Variants in PLXNA1 observed in about 807,000 individuals in gnomAD.
PLXNA1 encodes plexin A1.
PLXNA1 carries 77 observed loss-of-function variants against 191.7 expected under a neutral mutation model. The ratio of observed to expected loss-of-function variants is 0.40; its 90% CI spans 0.33 to 0.49. PLXNA1 has a LOEUF of 0.49. Among genes scored for constraint, PLXNA1 ranks in the 20% least tolerant of loss-of-function variants. The pLI is 0.63. For synonymous variants in PLXNA1, 1,137 were observed against 1,156.4 expected (o/e 0.98, Z 0.34); for missense variants, 2,110 against 2,660.2 (o/e 0.79, Z 4.55).
At chr3:126,991,311 C>G in intron 2 of PLXNA1, 73 bp from the exon 3 acceptor site, 1 of 1,549,668 alleles carries the variant, frequency 6.5e-7, no homozygotes. Context: ...GCACTCCCAG[C>G]CCTGCCCAGG....
Position 127,015,207 on chromosome 3 carries a change from C to T in PLXNA1, c.2901C>T (p.Ser967=), listed in dbSNP as rs369909439. 1.2e-6 allele frequency: 2 copies of T among 1,612,938 alleles called. No homozygotes were observed. Among genetic ancestry groups the T allele is most frequent in the Non-Finnish European group, 1.7e-6 (2 of 1,179,670 alleles). Residue 967 remains serine, a synonymous_variant, in exon 15 of 32, where the codon AGC becomes AGT. Transcript: ENST00000393409. ...TFVTPTFYRV[S]PSRGPLSGGT... ...AGACACCAACCTTCTACCGTGTGAG[C>T]CCCTCCCGTGGGCCTCTGTCAGGGG...
intron 3 of PLXNA1, among the ~76,000 whole-genome samples, chr3:127,000,849 A>G (rs2079036765): frequency 6.6e-6 from 1 of 152,154 alleles, no homozygotes; most frequent in South Asian, 2.1e-4. Context: ...CCTGCGTCAC[A>G]TCCATCCTCT....
At chr3:127,000,891 C>T (rs1429406957) in intron 3 of PLXNA1, among the ~76,000 whole-genome samples, 1 of 152,222 alleles carries the variant, frequency 6.6e-6, no homozygotes, top group Admixed American at 6.5e-5. Context: ...GTGGCCTCCC[C>T]AGTGCCCCGC....
chr3:127,010,370 G>A (rs1303582442), intron 9 of PLXNA1, among the ~76,000 whole-genome samples: 1 of 152,208 alleles, frequency 6.6e-6, no homozygotes. Flanking sequence ...GTCAGGCCAG[G>A]TCGAGTCAGG....
chr3:126,995,198 C>G (rs2079009536), intron 3 of PLXNA1, among the ~76,000 whole-genome samples: 1 of 152,168 alleles, frequency 6.6e-6, no homozygotes, highest in Admixed American at 6.5e-5. Context: ...CCCCTGTCCC[C>G]CCTCCTTTCA....
chr3:127,020,531 G>A (rs1576686592), intron 21 of PLXNA1, among the ~76,000 whole-genome samples, 187 bp downstream of exon 21: 1 of 152,048 alleles, frequency 6.6e-6, no homozygotes, highest in Non-Finnish European at 1.5e-5. Flanking sequence ...CCAAGACCAG[G>A]CAAGCACAGT....
Position 127,034,946 on chromosome 3 carries a change from C to CTT in PLXNA1, c.*930_*931insTT, listed in dbSNP as rs1428296890. The stretch of plus-strand genomic sequence containing the variant: ...CCCTGAGCACTCCTCTCTCTCCACT[C>CTT]TCTCTGTCCCTGCCCCAGCGGCTTC... On this transcript the variant is annotated 3_prime_UTR_variant, in exon 32 of 32. Transcript: ENST00000393409. 6.5e-6 allele frequency: 1 copy of CTT among 152,804 alleles called. No individual in the cohort carries two copies. Among genetic ancestry groups the CTT allele is most frequent in the African/African-American group, 2.4e-5 (1 of 41,478 alleles). The allele number at this position is 152,804 out of a possible 1,614,324, so 9.5% of individuals were successfully genotyped here. A position where few individuals can be genotyped will look rare whatever the true frequency, so the allele number is the denominator to read the frequency against.
chr3:127,029,805 G>T, intron 27 of PLXNA1, 69 bp from the exon 28 acceptor site: 1 of 1,465,698 alleles, frequency 6.8e-7, no homozygotes, highest in Admixed American at 2.3e-5. Context: ...GCTTTCAGAT[G>T]GGGAAACAGG....
At chr3:127,030,499 C>T in intron 29 of PLXNA1, 87 bp downstream of exon 29, 15 of 1,513,296 alleles carry the variant, frequency 9.9e-6, no homozygotes, top group Non-Finnish European at 8.9e-6. Context: ...GATCCGGAGC[C>T]CCCACTTGGG....
At position 127,017,468 on chromosome 3, in the gene PLXNA1, C is replaced by T. The variant is rs562935197; in HGVS notation, c.3320C>T (p.Pro1107Leu). The change falls in exon 18 of 32, where the codon CCG becomes CTG. Residue 1107 changes from proline to leucine, a missense_variant. Around this residue, in one of 4 missense-constraint regions of PLXNA1, gnomAD observed 644 missense variants for 714.3 expected, o/e 0.90. Coordinates refer to ENST00000393409, the MANE Select transcript of PLXNA1 (RefSeq NM_032242.4). ...GACACCACCATGGTATGCCGCGCCC[C>T]GTCTGTGGCCAACCCTGTGCGCAGC... Reference protein sequence around the residue: ...YNDTTMVCRAPSVANPVRSPP... With the variant: ...YNDTTMVCRALSVANPVRSPP... The T allele has an allele frequency of 3.2e-5, 51 of 1,613,366 alleles. No homozygotes were observed. Among genetic ancestry groups the T allele is most frequent in the Non-Finnish European group, 4.1e-5 (48 of 1,180,006 alleles).
In PLXNA1 at chr3:126,989,166, C is replaced by T. The variant is rs143323039; in HGVS notation, c.573C>T (p.Ile191=). 1.2e-4 allele frequency: 187 copies of T among 1,613,468 alleles called. No homozygotes were observed. In the African/African-American group the frequency reaches 2.0e-3, roughly 18 times the overall value. The change falls in exon 2 of 32, where the codon ATC becomes ATT. Residue 191 remains isoleucine (I), a synonymous_variant. Coordinates refer to ENST00000393409, the MANE Select transcript of PLXNA1 (RefSeq NM_032242.4). ...CCAAGCTCTTCGTGGGCACACCCAT[C>T]GATGGCAAGTCCGAGTACTTCCCCA... ...GQAKLFVGTP[I]DGKSEYFPTL...
At chr3:127,001,312 G>A (rs57970038) in intron 3 of PLXNA1, among the ~76,000 whole-genome samples, 15,586 of 151,988 alleles carry the variant, frequency 0.1, 1,024 homozygotes, top group East Asian at 0.23. Context: ...GTCAGGCTCC[G>A]GCATCATGTG....
intron 25 of PLXNA1, 126 bp downstream of exon 25, chr3:127,028,466 G>C (rs1020712097): frequency 9.1e-7 from 1 of 1,096,694 alleles, no homozygotes; most frequent in Non-Finnish European, 1.3e-6. Flanking sequence ...CTGGAGGGCA[G>C]TGGAATGGCG....
intron 9 of PLXNA1, among the ~76,000 whole-genome samples, chr3:127,009,587 C>CT (rs2107629508): frequency 7.2e-6 from 1 of 138,500 alleles, no homozygotes; most frequent in Admixed American, 7.2e-5. Context: ...CTTTCCGTCT[C>CT]TGTTTCTGGT....
intron 2 of PLXNA1, among the ~76,000 whole-genome samples, chr3:126,990,209 G>T (rs1356976046): frequency 6.6e-6 from 1 of 152,252 alleles, no homozygotes; most frequent in African/African-American, 2.4e-5. Flanking sequence ...GCAAGTGAGA[G>T]GCTGGTGCCA....
At chr3:127,030,827 C>G (rs2079206341) in intron 29 of PLXNA1, among the ~76,000 whole-genome samples, 1 of 152,172 alleles carries the variant, frequency 6.6e-6, no homozygotes, top group South Asian at 2.1e-4. Flanking sequence ...TACAGCCTCC[C>G]CATTGCAGTG....
chr3:126,990,613 G>A (rs2078985511), intron 2 of PLXNA1, among the ~76,000 whole-genome samples: 1 of 152,196 alleles, frequency 6.6e-6, no homozygotes, highest in South Asian at 2.1e-4. Flanking sequence ...GCAGGGGAAG[G>A]CCTCGCCCTC....
chr3:127,011,890 G>C (rs982053377), intron 9 of PLXNA1, 68 bp from the exon 10 acceptor site: 1 of 1,417,986 alleles, frequency 7.1e-7, no homozygotes, highest in Non-Finnish European at 9.9e-7. Flanking sequence ...CACATCTGGA[G>C]CGTAGTGGGG....
chr3:127,033,139 G>T (rs938948941), intron 31 of PLXNA1, among the ~76,000 whole-genome samples: 2 of 152,214 alleles, frequency 1.3e-5, no homozygotes, highest in African/African-American at 4.8e-5. Flanking sequence ...TTCCCTGAGG[G>T]GCTCATTTCA....
Sources: gnomAD v4.1 joint callset for allele counts (sites outside exome capture counted in the v4.1 genomes callset) on GRCh38, gnomAD v4.1.1 for gene constraint, gnomAD v4.1.1 regional missense constraint, MANE v1.5 for transcripts, NCBI Gene and HGNC (gene_info 2026-07-23, HGNC 2026-07-21) for gene names.